The following ACBD6 variants were observed in gnomAD, a reference collection of about 807,000 sequenced individuals.
ACBD6 encodes the protein acyl-CoA-binding domain-containing protein 6.
In ACBD6, 28 loss-of-function variants were observed where a neutral mutation model predicts 37.2. The observed-to-expected ratio is 0.75, with a 90% CI of 0.56 to 1.03. ACBD6 has a LOEUF of 1.03. Ranked by LOEUF, ACBD6 falls within the 50% of genes least tolerant of loss-of-function variation. ACBD6 has a pLI of 0.00. For synonymous variants in ACBD6, 113 were observed against 126.8 expected (o/e 0.89, Z 0.73); for missense variants, 340 against 337.4 (o/e 1.01, Z -0.06).
intron 3 of ACBD6, among the ~76,000 whole-genome samples, chr1:180,433,170 T>C (rs1317392563): frequency 6.6e-6 from 1 of 152,144 alleles, no homozygotes; most frequent in Non-Finnish European, 1.5e-5. Flanking sequence ...GAATTTAACA[T>C]TACGTTAAAA....
intron 3 of ACBD6, among the ~76,000 whole-genome samples, chr1:180,446,915 T>G (rs1357183406): frequency 6.6e-6 from 1 of 151,892 alleles, no homozygotes; most frequent in Non-Finnish European, 1.5e-5. Context: ...GTGGTGCATA[T>G]CTGTAATCCC....
intron 7 of ACBD6, among the ~76,000 whole-genome samples, chr1:180,304,034 AG>A (rs1650245609): frequency 6.6e-6 from 1 of 150,948 alleles, no homozygotes; most frequent in Admixed American, 6.6e-5. Context: ...GATGCAGAAA[AG>A]GCCTTTGACA....
chr1:180,469,104 A>G (rs575427332), intron 3 of ACBD6, among the ~76,000 whole-genome samples: 2 of 152,294 alleles, frequency 1.3e-5, no homozygotes, highest in South Asian at 2.1e-4. Context: ...AAACAGATAC[A>G]CATTGAGAAA....
At chr1:180,396,696 A>G (rs1221257147) in intron 6 of ACBD6, among the ~76,000 whole-genome samples, 1 of 152,230 alleles carries the variant, frequency 6.6e-6, no homozygotes, top group Non-Finnish European at 1.5e-5. Context: ...AAGGTACTCC[A>G]TATCATTAGT....
chr1:180,374,658 A>C (rs1463620093), intron 6 of ACBD6, among the ~76,000 whole-genome samples: 1 of 152,200 alleles, frequency 6.6e-6, no homozygotes, highest in East Asian at 1.9e-4. Context: ...ATTAGCCCAG[A>C]CTTTTCAAAA....
At chr1:180,444,286 C>CAAAAAAAAAAAAAAAAA (rs71719682) in intron 3 of ACBD6, among the ~76,000 whole-genome samples, 2 of 114,770 alleles carry the variant, frequency 1.7e-5, no homozygotes, top group African/African-American at 6.1e-5. Context: ...TCCGTCTCTC[C>CAAAAAAAAAAAAAAAAA]AAAAAAAAAA....
chr1:180,271,232 C>T (rs1343108334), exon 14 of ACBD6: 1 of 845,124 alleles, frequency 1.2e-6, no homozygotes, highest in Non-Finnish European at 2.0e-6. Context: ...AGAGTGGGGA[C>T]CTCTCCACTC....
At chr1:180,298,390 A>G (rs1650002132) in intron 7 of ACBD6, among the ~76,000 whole-genome samples, 1 of 152,192 alleles carries the variant, frequency 6.6e-6, no homozygotes, top group Non-Finnish European at 1.5e-5. Flanking sequence ...GCTTGGCTCA[A>G]TTCCAACCCA....
chr1:180,354,159 G>A (rs1422670657), intron 6 of ACBD6, among the ~76,000 whole-genome samples: 5 of 152,198 alleles, frequency 3.3e-5, no homozygotes, highest in African/African-American at 9.7e-5. Context: ...AGTGGGGGAG[G>A]TAGGCCACAG....
intron 4 of ACBD6, among the ~76,000 whole-genome samples, chr1:180,420,307 T>A (rs951400246): frequency 6.6e-6 from 1 of 152,254 alleles, no homozygotes; most frequent in Non-Finnish European, 1.5e-5. Flanking sequence ...TCGTAAATCC[T>A]GTGAAGTCAC....
chr1:180,435,318 A>C (rs6684842), intron 3 of ACBD6: 4 of 464,384 alleles, frequency 8.6e-6, no homozygotes, highest in Non-Finnish European at 1.6e-5. Context: ...GCAGGATCTC[A>C]GCTCACTGCA....
chr1:180,317,527 A>C (rs1300190417), intron 6 of ACBD6, among the ~76,000 whole-genome samples: 1 of 152,238 alleles, frequency 6.6e-6, no homozygotes, highest in East Asian at 1.9e-4. Context: ...ACCACAATAA[A>C]AAAGAAAGAA....
chr1:180,473,775 G>A (rs1650668611), intron 3 of ACBD6, among the ~76,000 whole-genome samples: 1 of 151,946 alleles, frequency 6.6e-6, no homozygotes, highest in African/African-American at 2.4e-5. Context: ...GATATTGAAT[G>A]GTACATAATA....
At chr1:180,300,164 T>G (rs1650077246) in intron 7 of ACBD6, among the ~76,000 whole-genome samples, 1 of 152,108 alleles carries the variant, frequency 6.6e-6, no homozygotes, top group African/African-American at 2.4e-5. Flanking sequence ...AAATAATAAC[T>G]AAATCCCCAA....
intron 3 of ACBD6, among the ~76,000 whole-genome samples, chr1:180,432,010 A>G (rs1268940906): frequency 6.6e-6 from 1 of 152,148 alleles, no homozygotes; most frequent in African/African-American, 2.4e-5. Flanking sequence ...GTTTGAGACC[A>G]GCCTGGCCAA....
chr1:180,381,338 G>C (rs546923935), intron 6 of ACBD6, among the ~76,000 whole-genome samples: 1 of 152,194 alleles, frequency 6.6e-6, no homozygotes, highest in South Asian at 2.1e-4. Context: ...AGAAATACTG[G>C]ATTTAAACTG....
intron 7 of ACBD6, among the ~76,000 whole-genome samples, chr1:180,296,990 G>A (rs1442414522): frequency 6.6e-6 from 1 of 152,024 alleles, no homozygotes; most frequent in East Asian, 2.0e-4. Flanking sequence ...GCTGGGTGTG[G>A]TGGCTTGTGC....
intron 4 of ACBD6, among the ~76,000 whole-genome samples, chr1:180,428,018 A>G (rs747144035): frequency 3.3e-5 from 5 of 152,076 alleles, no homozygotes; most frequent in Non-Finnish European, 7.4e-5. Context: ...CTCTCCCAAT[A>G]CAAGAGTATG....
intron 7 of ACBD6, among the ~76,000 whole-genome samples, chr1:180,302,534 G>C (rs6687081): frequency 0.071 from 10,811 of 152,010 alleles, 415 homozygotes; most frequent in African/African-American, 0.11. Context: ...GACTAGGATT[G>C]CAACCCCTGT....
Sources: gnomAD v4.1 joint callset for allele counts (sites outside exome capture counted in the v4.1 genomes callset) on GRCh38, gnomAD v4.1.1 for gene constraint, MANE v1.5 for transcripts, NCBI Gene and HGNC (gene_info 2026-07-23, HGNC 2026-07-21) for gene names.